The following DONSON variants were observed in gnomAD, a reference collection of about 807,000 sequenced individuals.
The protein encoded by DONSON is DNA replication fork stabilization factor DONSON.
DONSON carries 43 observed loss-of-function variants against 62.1 expected under a neutral mutation model. The observed-to-expected ratio is 0.69, with a 90% CI of 0.54 to 0.89. The LOEUF (loss-of-function observed/expected upper bound fraction) is 0.89, where lower values mean the gene tolerates loss of function less well. Ranked by LOEUF, DONSON falls within the 40% of genes least tolerant of loss-of-function variation. DONSON has a pLI of 0.00. For missense variants in DONSON, 696 were observed against 697.5 expected, an observed-to-expected ratio of 1.00 and a Z score of 0.03; for synonymous variants, 266 against 264.6, an observed-to-expected ratio of 1.01 and a Z score of -0.05.
chr21:33,580,373 GTGAAAACCCGTC>G (rs2086492010), intron 8 of DONSON, among the ~76,000 whole-genome samples: 1 of 145,170 alleles, frequency 6.9e-6, no homozygotes, highest in South Asian at 2.2e-4. Flanking sequence ...GACCAACATG[GTGAAAACCCGTC>G]TCTACAAAAA....
In DONSON at chr21:33,588,441, G is replaced by A. The variant is rs1486261338; in HGVS notation, c.201C>T (p.Gly67=). 10 of 1,311,260 alleles carry A rather than the reference G, an allele frequency of 7.6e-6. No individual in the cohort carries two copies. The Admixed American group carries it at 3.2e-4, about 42-fold the overall frequency. The allele number at this position is 1,311,260 out of a possible 1,614,324, so 81.2% of individuals were successfully genotyped here. The change falls in exon 1 of 10, where the codon GGC becomes GGT. Residue 67 remains glycine (G), a synonymous_variant. Transcript: ENST00000303071. ...GAGCAGCGGCCGGGCCGCCGCCGCT[G>A]CCACCGCCTCTGCCCCCCGCAGCAG... is the stretch of plus-strand genomic sequence containing the variant. ...PFPAAGGRGG[G]SGGGPAAARR...
intron 8 of DONSON, among the ~76,000 whole-genome samples, chr21:33,580,651 C>T (rs1418566886): frequency 1.3e-5 from 2 of 150,748 alleles, no homozygotes; most frequent in Non-Finnish European, 3.0e-5. Flanking sequence ...AATAAATGTT[C>T]GTATAATTTA....
chr21:33,581,446 C>A lies in DONSON; in HGVS notation c.1206G>T (p.Leu402Phe), dbSNP rs772599656. Residue 402 changes from leucine to phenylalanine, a missense_variant, in exon 8 of 10, where the codon TTG becomes TTT. Coordinates refer to ENST00000303071, the MANE Select transcript of DONSON (RefSeq NM_017613.4). ...QMDHRPESVV[L>F]VKGINTFTLL... ...ATGTAAAGGTGTTGATTCCTTTTACCAACACAACAGATTCAGGTCTGTGAT... is the reference window on the plus strand; with the variant it reads ...ATGTAAAGGTGTTGATTCCTTTTACAAACACAACAGATTCAGGTCTGTGAT... 8 of 1,613,796 alleles carry A rather than the reference C, an allele frequency of 5.0e-6. No homozygotes were observed. Among genetic ancestry groups the A allele is most frequent in the South Asian group, 1.1e-5 (1 of 91,044 alleles).
rs2145898740 is a variant in DONSON at position 33,579,226 on chromosome 21, C to A, written c.1563+124G>T. 6 of 648,732 alleles carry A rather than the reference C, an allele frequency of 9.2e-6. No homozygotes were observed. In the East Asian group the frequency reaches 1.7e-4, roughly 19 times the overall value. 40.2% of individuals were successfully genotyped at this position (648,732 alleles called of 1,614,324 possible). On this transcript the variant is annotated intron_variant, in intron 9 of 9. Coordinates refer to ENST00000303071, the MANE Select transcript of DONSON (RefSeq NM_017613.4). ...GACATTATTCCTTCCTCTAGTAATT[C>A]ATAATTAAGTAACAGTTTAATTACT...
At chr21:33,580,871 C>T (rs554409414) in intron 8 of DONSON, among the ~76,000 whole-genome samples, 1 of 151,572 alleles carries the variant, frequency 6.6e-6, no homozygotes, top group South Asian at 2.1e-4. Context: ...CAGAGTGGGA[C>T]TCCCTCTTAA....
intron 1 of DONSON, 55 bp downstream of exon 1, chr21:33,588,266 G>T: frequency 8.4e-7 from 1 of 1,196,598 alleles, no homozygotes; most frequent in South Asian, 4.1e-5. Flanking sequence ...ATTCACAGCT[G>T]GCTCAACCCA....
chr21:33,588,569 T>C lies in DONSON; in HGVS notation c.73A>G (p.Arg25Gly), dbSNP rs2086610105. 7 of 1,253,422 alleles carry C rather than the reference T, an allele frequency of 5.6e-6. No individual in the cohort carries two copies. The highest frequency in any genetic ancestry group is 7.0e-6 in the Non-Finnish European group (7 of 998,468). 77.6% of individuals were successfully genotyped at this position (1,253,422 alleles called of 1,614,324 possible). Reference protein sequence around the residue: ...PPEVVRLRRKRARSRGAAASP... With the variant: ...PPEVVRLRRKGARSRGAAASP... ...GCGGCAGCTCCACGGCTCCGGGCCCTTTTCCGTCGGAGCCGCACTACCTCG... is the reference window on the plus strand; with the variant it reads ...GCGGCAGCTCCACGGCTCCGGGCCCCTTTCCGTCGGAGCCGCACTACCTCG... Residue 25 changes from arginine to glycine, a missense_variant, in exon 1 of 10, where the codon AGG becomes GGG. Physicochemically the swap from Arg to Gly is moderately radical, Grantham distance 125. Coordinates refer to ENST00000303071, the MANE Select transcript of DONSON (RefSeq NM_017613.4).
In DONSON at chr21:33,580,933, G is replaced by A. The variant is rs571965046; in HGVS notation, c.1350+369C>T. The stretch of plus-strand genomic sequence containing the variant: ...AAAAAAAAACAAAAAAAATAGCTAG[G>A]CTTGGTGGTGTGTGCTTGTAATCCC... On this transcript the variant is annotated intron_variant, in intron 8 of 9. Coordinates refer to ENST00000303071, the MANE Select transcript of DONSON (RefSeq NM_017613.4). Among the ~76,000 whole-genome samples the A allele has an allele frequency of 6.6e-5, 10 of 151,966 alleles. No individual in the cohort carries two copies. In the South Asian group the frequency reaches 2.1e-3, roughly 32 times the overall value.
rs1472022283 is a variant in DONSON at position 33,588,679 on chromosome 21, A to G, written c.-38T>C. 5 of 1,223,328 alleles carry G rather than the reference A, an allele frequency of 4.1e-6. No homozygotes were observed. The highest frequency in any genetic ancestry group is 5.1e-6 in the Non-Finnish European group (5 of 982,258). The allele number at this position is 1,223,328 out of a possible 1,614,324, so 75.8% of individuals were successfully genotyped here. On this transcript the variant is annotated 5_prime_UTR_variant, in exon 1 of 10. Transcript: ENST00000303071. ...CTGAGGGTAGCCGGCCGCCCTACAGAGACTTCCCGCGCGCGCCGGGCCCGC... is the reference window on the plus strand; with the variant it reads ...CTGAGGGTAGCCGGCCGCCCTACAGGGACTTCCCGCGCGCGCCGGGCCCGC...
intron 4 of DONSON, among the ~76,000 whole-genome samples, chr21:33,584,194 G>A (rs987267406): frequency 2.6e-5 from 4 of 151,006 alleles, no homozygotes; most frequent in East Asian, 1.9e-4. Context: ...ATAGGCACCC[G>A]CCACCACACC....
intron 5 of DONSON, among the ~76,000 whole-genome samples, chr21:33,582,640 A>G (rs1441188590): frequency 6.6e-6 from 1 of 152,180 alleles, no homozygotes; most frequent in African/African-American, 2.4e-5. Context: ...ATCTGGCCCA[A>G]TATGTGTTTT....
chr21:33,582,143 TAA>T lies in DONSON; in HGVS notation c.1046+20_1046+21del. On this transcript the variant is annotated intron_variant, in intron 6 of 9. Transcript: ENST00000303071. ...TGAGTCCATAAGTCAGTGGATGATA[TAA>T]AGTTATTTTAATCACATACTCCCCA... 1 of 1,612,380 alleles carries T rather than the reference TAA, an allele frequency of 6.2e-7. No homozygotes were observed. Among genetic ancestry groups the T allele is most frequent in the Non-Finnish European group, 8.5e-7 (1 of 1,178,488 alleles).
At chr21:33,581,218 C>A (rs962207574) in intron 8 of DONSON, 84 bp downstream of exon 8, 5 of 1,301,694 alleles carry the variant, frequency 3.8e-6, no homozygotes, top group Admixed American at 5.4e-5. Context: ...AGTAAAAATG[C>A]TAGGAGGTTT....
intron 3 of DONSON, among the ~76,000 whole-genome samples, chr21:33,585,540 T>C (rs2086568525): frequency 6.6e-6 from 1 of 151,986 alleles, no homozygotes; most frequent in Admixed American, 6.6e-5. Context: ...TGCTTTAAAA[T>C]AATCAAAATG....
rs563739505 is a variant in DONSON, at chr21:33,577,565, C to G, written c.*742G>C. On this transcript the variant is annotated 3_prime_UTR_variant, in exon 10 of 10. Coordinates refer to ENST00000303071, the MANE Select transcript of DONSON (RefSeq NM_017613.4). The stretch of plus-strand genomic sequence containing the variant: ...TTACCCAATGCTTTTGATTTTTAAG[C>G]ACTTTTATTTTAAAAATGTGAATTA... 8.2e-4 allele frequency: 122 copies of G among 149,260 alleles called. No homozygotes were observed. Among genetic ancestry groups the G allele is most frequent in the Middle Eastern group, 3.4e-3 (1 of 290 alleles). The allele number at this position is 149,260 out of a possible 1,614,324, so 9.2% of individuals were successfully genotyped here. A position where few individuals can be genotyped will look rare whatever the true frequency, so the allele number is the denominator to read the frequency against.
intron 3 of DONSON, among the ~76,000 whole-genome samples, chr21:33,585,008 T>G (rs569413047): frequency 4.6e-5 from 7 of 152,320 alleles, no homozygotes. Flanking sequence ...TCTACCATCC[T>G]TAAGGACAAT....
intron 2 of DONSON, 53 bp downstream of exon 2, chr21:33,587,469 T>TAA: frequency 1.4e-6 from 2 of 1,474,540 alleles, no homozygotes; most frequent in East Asian, 2.4e-5. Context: ...TCAAATCCTA[T>TAA]GAAAAAAAAG....
intron 5 of DONSON, 103 bp downstream of exon 5, chr21:33,583,385 T>C: frequency 1.1e-6 from 1 of 876,032 alleles, no homozygotes; most frequent in Non-Finnish European, 1.7e-6. Context: ...TTTCTTAATG[T>C]TGCTAATCAA....
rs1334611372 is a variant in DONSON at position 33,588,611 on chromosome 21, C to T, written c.31G>A (p.Gly11Ser). The T allele has an allele frequency of 3.2e-6, 4 of 1,247,646 alleles. No homozygotes were observed. The highest frequency in any genetic ancestry group is 4.0e-6 in the Non-Finnish European group (4 of 994,790). The allele number at this position is 1,247,646 out of a possible 1,614,324, so 77.3% of individuals were successfully genotyped here. Residue 11 changes from glycine to serine, a missense_variant, in exon 1 of 10, where the codon GGC becomes AGC. Coordinates refer to ENST00000303071, the MANE Select transcript of DONSON (RefSeq NM_017613.4). ...ACTACCTCGGGCGGCTTTCGGAAGC[C>T]CGGTGAGTAGCCGGGCACCGAAAGG... MALSVPGYSPGFRKPPEVVRL... is the reference protein window; with the variant it reads MALSVPGYSPSFRKPPEVVRL...
Sources: allele counts gnomAD v4.1 joint callset (sites outside exome capture counted in the v4.1 genomes callset), GRCh38; gene constraint gnomAD v4.1.1; transcripts MANE v1.5; gene names NCBI Gene and HGNC (gene_info 2026-07-23, HGNC 2026-07-21).